Variants in WBP2 observed in about 807,000 individuals in gnomAD.
WBP2 encodes WW domain binding protein 2.
In WBP2, 23 loss-of-function variants were observed where a neutral mutation model predicts 33.0. That is an observed-to-expected ratio of 0.70 (90% CI 0.50 to 0.99). The LOEUF (loss-of-function observed/expected upper bound fraction) is 0.99. Among genes scored for constraint, WBP2 ranks in the 50% least tolerant of loss-of-function variants. WBP2 has a pLI of 0.00. For missense variants in WBP2, 353 were observed against 358.0 expected (o/e 0.99, Z 0.11); for synonymous variants, 153 against 133.5 (o/e 1.15, Z -1.01).
chr17:75,855,475 T>A (rs1003761151), upstream of WBP2: 17 of 639,286 alleles, frequency 2.7e-5, no homozygotes, highest in Non-Finnish European at 3.9e-5. Context: ...TTCCAGTTCC[T>A]CCTGCGCAAC....
intron 5 of WBP2, 50 bp downstream of exon 5, chr17:75,847,746 T>C: frequency 6.6e-7 from 1 of 1,525,752 alleles, no homozygotes; most frequent in South Asian, 1.2e-5. Context: ...GGGGGGAGCC[T>C]GGGTAGGTGG....
At chr17:75,849,570 G>T (rs2065015454) in intron 3 of WBP2, 34 bp downstream of exon 3, 2 of 1,612,420 alleles carry the variant, frequency 1.2e-6, no homozygotes, top group Non-Finnish European at 1.7e-6. Context: ...CTCCCTGCAG[G>T]CCCCATGCGT....
chr17:75,847,326 C>A (rs2143915548), intron 6 of WBP2, 161 bp downstream of exon 6: 1 of 1,209,614 alleles, frequency 8.3e-7, no homozygotes, highest in East Asian at 2.5e-5. Flanking sequence ...GAATCTAGCT[C>A]CGCTCCACCA....
At chr17:75,854,396 G>A (rs540294534) in intron 1 of WBP2, among the ~76,000 whole-genome samples, 1 of 152,322 alleles carries the variant, frequency 6.6e-6, no homozygotes, top group Admixed American at 6.5e-5. Context: ...AAAGGAGACA[G>A]AGGCCATTTA....
intron 1 of WBP2, among the ~76,000 whole-genome samples, chr17:75,854,280 G>A (rs1054288835): frequency 2.6e-5 from 4 of 152,098 alleles, no homozygotes; most frequent in Admixed American, 6.6e-5. Context: ...TGTCTCCTTT[G>A]GGGACTCAGG....
At chr17:75,853,505 T>TA (rs1458523081) in intron 1 of WBP2, among the ~76,000 whole-genome samples, 1 of 152,112 alleles carries the variant, frequency 6.6e-6, no homozygotes, top group Admixed American at 6.5e-5. Context: ...GCAGGATAGA[T>TA]ACATTCTTGT....
chr17:75,848,915 A>C (rs1319990532), intron 3 of WBP2: 1 of 546,444 alleles, frequency 1.8e-6, no homozygotes, highest in East Asian at 3.1e-5. Flanking sequence ...TCCTGGAACA[A>C]GCCTGTCCTC....
chr17:75,847,004 T>C lies in WBP2; in HGVS notation c.656-20A>G, dbSNP rs1305288217. On this transcript the variant is annotated intron_variant, in intron 6 of 7. Transcript: ENST00000254806. ...CTTCGGCTGTGAGAGCAAACACACCTGGTGTCGGTGACAAGTTCTCCTCCC... is the reference window on the plus strand; with the variant it reads ...CTTCGGCTGTGAGAGCAAACACACCCGGTGTCGGTGACAAGTTCTCCTCCC... The C allele has an allele frequency of 3.7e-6, 6 of 1,613,842 alleles. No individual in the cohort carries two copies. Among genetic ancestry groups the C allele is most frequent in the South Asian group, 2.2e-5 (2 of 91,060 alleles).
In WBP2 at chr17:75,846,887, G is replaced by C; in HGVS notation, c.732+21C>G. The C allele has an allele frequency of 6.2e-7, 1 of 1,613,900 alleles. No individual in the cohort carries two copies. The highest frequency in any genetic ancestry group is 8.5e-7 in the Non-Finnish European group (1 of 1,179,914). ...GCATCTGCGGCTGTGGGGCTGCACC[G>C]GCACTGCCAAGCCCTCTCACCGTGG... On this transcript the variant is annotated intron_variant, in intron 7 of 7. Coordinates refer to ENST00000254806, the MANE Select transcript of WBP2 (RefSeq NM_012478.4). The surrounding 1 kb of genome is among the most constrained non-coding windows in gnomAD (Gnocchi z 4.8).
In WBP2 at chr17:75,847,514, C is replaced by A. The variant is rs1211713303; in HGVS notation, c.628G>T (p.Gly210Cys). ...YPGPMEPPVSGPDVPSTPAAE... is the reference protein window; with the variant it reads ...YPGPMEPPVSCPDVPSTPAAE... ...GCAGGAGTGGAGGGGACATCGGGGC[C>A]GCTGACCGGAGGTTCCATGGGCCCA... Residue 210 changes from glycine (G) to cysteine (C), a missense_variant, in exon 6 of 8, where the codon GGC (glycine) becomes TGC (cysteine). Transcript: ENST00000254806. 6 of 1,590,510 alleles carry A rather than the reference C, an allele frequency of 3.8e-6. No homozygotes were observed. The South Asian group carries it at 6.8e-5, about 18-fold the overall frequency.
intron 1 of WBP2, among the ~76,000 whole-genome samples, chr17:75,852,504 G>A (rs2065033982): frequency 6.7e-6 from 1 of 148,264 alleles, no homozygotes; most frequent in Admixed American, 6.8e-5. Flanking sequence ...CACCCAGGCT[G>A]GCGTGCAGTG....
intron 1 of WBP2, chr17:75,854,989 C>A: frequency 1.8e-6 from 1 of 569,992 alleles, no homozygotes; most frequent in Non-Finnish European, 3.2e-6. Flanking sequence ...CACCCCTAGG[C>A]CCCACCGGGG....
rs745899193 is a variant in WBP2 at position 75,851,662 on chromosome 17, T to C, written c.74A>G (p.Tyr25Cys). ...ATTGAATGTGAGTTCCACGTGATCA[T>C]AGGACATTAGGATGCTGTGATGAGA... ...VNNTESILMS[Y>C]DHVELTFNDM... The change falls in exon 2 of 8, where the codon TAT (tyrosine) becomes TGT (cysteine). Residue 25 changes from tyrosine to cysteine, a missense_variant. Physicochemically the swap from Tyr to Cys is radical, Grantham distance 194. Transcript: ENST00000254806. The C allele has an allele frequency of 3.0e-5, 48 of 1,612,756 alleles. 1 individual carries two copies. The highest frequency in any genetic ancestry group is 1.1e-4 in the South Asian group (10 of 91,038).
chr17:75,852,100 G>C (rs2065031333), intron 1 of WBP2: 1 of 169,408 alleles, frequency 5.9e-6, no homozygotes, highest in African/African-American at 2.4e-5. Context: ...GAGAAGCTCT[G>C]TCTCAAAAAC....
Position 75,846,755 on chromosome 17 carries a change from C to T in WBP2, c.765G>A (p.Pro255=), listed in dbSNP as rs372580353. The T allele has an allele frequency of 6.6e-5, 102 of 1,534,268 alleles. No individual in the cohort carries two copies. Among genetic ancestry groups the T allele is most frequent in the Middle Eastern group, 1.7e-4 (1 of 5,806 alleles). Reference sequence around the variant, plus strand: ...GGGCCTACTGGGTCTTCTTATCTTCCGGTGGGTAGTAGGGAGGTGGCGGCG... The same window carrying T: ...GGGCCTACTGGGTCTTCTTATCTTCTGGTGGGTAGTAGGGAGGTGGCGGCG... ...SQPPPPPYYP[P]EDKKTQ Residue 255 remains proline (P), a synonymous_variant, in exon 8 of 8, where the codon CCG becomes CCA. Transcript: ENST00000254806. The surrounding 1 kb of genome is among the most constrained non-coding windows in gnomAD (Gnocchi z 4.8).
Position 75,847,794 on chromosome 17 carries a change from A to C in WBP2, c.532+2T>G. ...AGTGGGGGCAGCAAAGGACACACTC[A>C]CCAGGTGGGGGCGGTGGATAGGGGT... On this transcript the variant is annotated splice_donor_variant, in intron 5 of 7. Coordinates refer to ENST00000254806, the MANE Select transcript of WBP2 (RefSeq NM_012478.4). LOFTEE classifies it high-confidence loss of function. The C allele has an allele frequency of 6.4e-7, 1 of 1,555,296 alleles. No individual in the cohort carries two copies. The highest frequency in any genetic ancestry group is 8.7e-7 in the Non-Finnish European group (1 of 1,148,800).
At chr17:75,847,641 G>A in intron 5 of WBP2, 32 bp from the exon 6 acceptor site, 3 of 1,612,514 alleles carry the variant, frequency 1.9e-6, no homozygotes, top group Non-Finnish European at 2.5e-6. Flanking sequence ...AGGACATGGT[G>A]AGCACCCGGC....
chr17:75,848,824 G>A lies in WBP2; in HGVS notation c.305-162C>T, dbSNP rs184682528. The A allele has an allele frequency of 7.6e-6, 5 of 661,402 alleles. No individual in the cohort carries two copies. In the African/African-American group the frequency reaches 8.9e-5, roughly 12 times the overall value. 41.0% of individuals were successfully genotyped at this position (661,402 alleles called of 1,614,324 possible). On this transcript the variant is annotated intron_variant, in intron 3 of 7. Transcript: ENST00000254806. ...TTCCTGGTGCCATGGTTTCCAGCCT[G>A]CTGCCTGCATAGGAGCCAGCACTGC...
upstream of WBP2, chr17:75,855,405 G>T: frequency 1.5e-6 from 2 of 1,338,618 alleles, no homozygotes; most frequent in Non-Finnish European, 2.1e-6. Flanking sequence ...CAAAGCTCGA[G>T]TGCGGAGGCT....
Sources: gnomAD v4.1 joint callset for allele counts (sites outside exome capture counted in the v4.1 genomes callset) on GRCh38, gnomAD v4.1.1 for gene constraint, Gnocchi (gnomAD v3.1) non-coding constraint, MANE v1.5 for transcripts, NCBI Gene and HGNC (gene_info 2026-07-23, HGNC 2026-07-21) for gene names.